The following DPP10 variants were observed in gnomAD, a reference collection of about 807,000 sequenced individuals.
The protein encoded by DPP10 is dipeptidyl peptidase like 10, also known as inactive dipeptidyl peptidase 10.
DPP10 carries 33 observed loss-of-function variants against 120.9 expected under a neutral mutation model. The ratio of observed to expected loss-of-function variants is 0.27; its 90% CI spans 0.21 to 0.37. The LOEUF is 0.37. Among genes scored for constraint, DPP10 ranks in the 10% least tolerant of loss-of-function variants. The pLI is 1.00. For missense variants in DPP10, 816 were observed against 942.8 expected, an observed-to-expected ratio of 0.87 and a Z score of 1.76; for synonymous variants, 337 against 326.1, an observed-to-expected ratio of 1.03 and a Z score of -0.36.
At chr2:115,641,663 G>T (rs547904533) in intron 5 of DPP10, among the ~76,000 whole-genome samples, 2 of 152,082 alleles carry the variant, frequency 1.3e-5, no homozygotes, top group Non-Finnish European at 2.9e-5. Flanking sequence ...TAAGGGTAAC[G>T]TCTTTGTCTT....
intron 3 of DPP10, among the ~76,000 whole-genome samples, chr2:115,466,972 A>G (rs2074366026): frequency 6.6e-6 from 1 of 152,108 alleles, no homozygotes; most frequent in East Asian, 1.9e-4. Flanking sequence ...TTGAGGAAGT[A>G]CTTCTTGGTG....
chr2:114,873,942 T>C (rs781722152), intron 1 of DPP10, among the ~76,000 whole-genome samples: 1 of 152,170 alleles, frequency 6.6e-6, no homozygotes, highest in Non-Finnish European at 1.5e-5. Flanking sequence ...TTATGTGACA[T>C]ATTCAACCTG....
intron 17 of DPP10, among the ~76,000 whole-genome samples, chr2:115,783,921 A>C (rs1683054475): frequency 6.6e-6 from 1 of 152,176 alleles, no homozygotes; most frequent in African/African-American, 2.4e-5. Context: ...CATTCATGAC[A>C]TATAGGACAC....
At chr2:115,532,978 C>A (rs769513436) in intron 5 of DPP10, among the ~76,000 whole-genome samples, 11 of 151,632 alleles carry the variant, frequency 7.3e-5, no homozygotes, top group Non-Finnish European at 1.3e-4. Context: ...AGTCAAGAGT[C>A]CTTTACCGCA....
intron 1 of DPP10, among the ~76,000 whole-genome samples, chr2:115,237,885 G>A (rs1396490690): frequency 6.6e-6 from 1 of 152,154 alleles, no homozygotes; most frequent in Non-Finnish European, 1.5e-5. Context: ...TGGTTCATGA[G>A]GTTTAAGGAA....
intron 5 of DPP10, among the ~76,000 whole-genome samples, chr2:115,564,028 C>T (rs1035427481): frequency 2.0e-5 from 3 of 152,106 alleles, no homozygotes; most frequent in African/African-American, 7.2e-5. Flanking sequence ...CACTCTCCAC[C>T]ACATTCTCTT....
intron 1 of DPP10, among the ~76,000 whole-genome samples, chr2:114,899,559 A>G (rs1313962119): frequency 1.3e-5 from 2 of 151,878 alleles, no homozygotes; most frequent in Non-Finnish European, 2.9e-5. Context: ...TGCATCCTTA[A>G]ACACTATAGT....
intron 1 of DPP10, among the ~76,000 whole-genome samples, chr2:115,307,639 C>T (rs944552924): frequency 2.0e-5 from 3 of 152,058 alleles, no homozygotes; most frequent in East Asian, 1.9e-4. Context: ...CAGCCTCTCT[C>T]GTTCTGTCAC....
intron 5 of DPP10, among the ~76,000 whole-genome samples, chr2:115,662,611 G>A (rs947114311): frequency 1.3e-5 from 2 of 152,054 alleles, no homozygotes; most frequent in African/African-American, 2.4e-5. Context: ...TGTTAGCTTG[G>A]TCATTATGAG....
chr2:114,783,616 C>A (rs1471816916), intron 1 of DPP10, among the ~76,000 whole-genome samples: 1 of 152,026 alleles, frequency 6.6e-6, no homozygotes, highest in Non-Finnish European at 1.5e-5. Context: ...AAGGGCAGAT[C>A]ATTTGAGCCC....
At chr2:114,833,248 G>A (rs961928865) in intron 1 of DPP10, 1 of 150,508 alleles carries the variant, frequency 6.6e-6, no homozygotes, top group Admixed American at 6.7e-5. Context: ...TGATGTAAGA[G>A]TTGTGATTAT....
In DPP10 at chr2:114,975,408, A is replaced by T. The variant is rs531663938; in HGVS notation, c.61-333831A>T. On this transcript the variant is annotated intron_variant, in intron 1 of 25. Coordinates refer to ENST00000410059, the MANE Select transcript of DPP10 (RefSeq NM_020868.6). ...TGTTTTAATGTTTTACTCTTCTTTTAAAAAAATGAAATTAGAGACCATAGA... is the reference window on the plus strand; with the variant it reads ...TGTTTTAATGTTTTACTCTTCTTTTTAAAAAATGAAATTAGAGACCATAGA... Among the ~76,000 whole-genome samples, 12 of 152,244 alleles carry T rather than the reference A, an allele frequency of 7.9e-5. No individual in the cohort carries two copies. In the East Asian group the frequency reaches 2.3e-3, roughly 29 times the overall value.
At chr2:115,448,054 G>T (rs546469395) in intron 3 of DPP10, among the ~76,000 whole-genome samples, 3 of 152,158 alleles carry the variant, frequency 2.0e-5, no homozygotes, top group Non-Finnish European at 4.4e-5. Context: ...GTTTAAGTTC[G>T]ACAGAAGGAG....
intron 1 of DPP10, among the ~76,000 whole-genome samples, chr2:114,558,547 A>T (rs777296659): frequency 6.6e-6 from 1 of 152,206 alleles, no homozygotes; most frequent in Non-Finnish European, 1.5e-5. Flanking sequence ...TTTCTTTATG[A>T]CACTTATCTC....
At chr2:114,560,472 G>A (rs971692735) in intron 1 of DPP10, among the ~76,000 whole-genome samples, 1 of 152,170 alleles carries the variant, frequency 6.6e-6, no homozygotes, top group African/African-American at 2.4e-5. Flanking sequence ...AGATTTGTGA[G>A]GGAGAAGTTG....
chr2:115,616,258 T>C (rs1321363182), intron 5 of DPP10, among the ~76,000 whole-genome samples: 3 of 152,118 alleles, frequency 2.0e-5, no homozygotes, highest in African/African-American at 7.2e-5. Context: ...GATAATTGTG[T>C]GCTAAGGAAT....
intron 5 of DPP10, among the ~76,000 whole-genome samples, chr2:115,655,368 C>G (rs1267603082): frequency 6.6e-6 from 1 of 151,486 alleles, no homozygotes; most frequent in East Asian, 1.9e-4. Flanking sequence ...TCATGAATAC[C>G]TAGTGCACAT....
intron 1 of DPP10, among the ~76,000 whole-genome samples, chr2:115,200,196 A>C (rs1164479019): frequency 2.6e-5 from 4 of 152,162 alleles, no homozygotes; most frequent in African/African-American, 9.7e-5. Flanking sequence ...ATCTTCTCTG[A>C]CAGATGGTTC....
intron 7 of DPP10, among the ~76,000 whole-genome samples, chr2:115,692,350 G>A (rs1414739371): frequency 6.6e-6 from 1 of 151,788 alleles, no homozygotes; most frequent in Non-Finnish European, 1.5e-5. Flanking sequence ...TTCTATATGT[G>A]CCTACAGGAT....
Sources: gnomAD v4.1 joint callset for allele counts (sites outside exome capture counted in the v4.1 genomes callset) on GRCh38, gnomAD v4.1.1 for gene constraint, MANE v1.5 for transcripts, NCBI Gene and HGNC (gene_info 2026-07-23, HGNC 2026-07-21) for gene names.